Variants in SHISA9 observed in about 807,000 individuals in gnomAD.
The protein encoded by SHISA9 is protein shisa-9.
Under a neutral mutation model 38.0 loss-of-function variants are expected in SHISA9, and 13 were observed. The observed-to-expected ratio is 0.34, with a 90% confidence interval of 0.22 to 0.54. The LOEUF (loss-of-function observed/expected upper bound fraction) is 0.54. SHISA9 is among the 20% of genes least tolerant of loss of function. SHISA9 has a pLI of 0.91. For synonymous variants in SHISA9, 275 were observed against 242.0 expected, an observed-to-expected ratio of 1.14 and a Z score of -1.27; for missense variants, 538 against 575.8, an observed-to-expected ratio of 0.93 and a Z score of 0.67.
At chr16:13,014,136 C>A (rs545728809) in intron 2 of SHISA9, among the ~76,000 whole-genome samples, 1 of 152,096 alleles carries the variant, frequency 6.6e-6, no homozygotes, top group Admixed American at 6.5e-5. Flanking sequence ...GGCTATTATC[C>A]CCATTTTACA....
intron 2 of SHISA9, among the ~76,000 whole-genome samples, chr16:12,981,110 C>A (rs2072234256): frequency 6.6e-6 from 1 of 152,202 alleles, no homozygotes; most frequent in African/African-American, 2.4e-5. Flanking sequence ...TGTGAGCTCA[C>A]TTTACCCTGG....
chr16:12,944,110 C>T (rs757657098), intron 2 of SHISA9, among the ~76,000 whole-genome samples: 1 of 152,044 alleles, frequency 6.6e-6, no homozygotes, highest in Non-Finnish European at 1.5e-5. Flanking sequence ...TGTCTCTAGT[C>T]ATTGTTGAGG....
Position 13,240,168 on chromosome 16 carries a change from C to G in SHISA9, c.*4759C>G, listed in dbSNP as rs570925043. The G allele has an allele frequency of 1.3e-5, 2 of 152,392 alleles. No homozygotes were observed. Among genetic ancestry groups the G allele is most frequent in the East Asian group, 1.9e-4 (1 of 5,186 alleles). The allele number at this position is 152,392 out of a possible 1,614,324, so 9.4% of individuals were successfully genotyped here. On this transcript the variant is annotated 3_prime_UTR_variant, in exon 5 of 5. Coordinates refer to ENST00000558583, the MANE Select transcript of SHISA9 (RefSeq NM_001145204.3). The stretch of plus-strand genomic sequence containing the variant: ...CTTGGGCTCCGCCTGGCCTCCCCAT[C>G]TAACTCTTCCCAGTTTTTTGTGTAA...
At chr16:13,243,240 CAAAA>C (rs112827362), downstream of SHISA9, among the ~76,000 whole-genome samples, 4 of 126,472 alleles carry the variant, frequency 3.2e-5, no homozygotes, top group African/African-American at 1.2e-4. Flanking sequence ...GACTCTGTCT[CAAAA>C]AAAAAAAAAG....
chr16:13,161,562 AT>A, intron 2 of SHISA9, among the ~76,000 whole-genome samples: 1 of 152,214 alleles, frequency 6.6e-6, no homozygotes, highest in South Asian at 2.1e-4. Context: ...ACTCAAAGGC[AT>A]TTTTCTGTCC....
At chr16:13,474,500 T>G in the SHISA9 span, among the ~76,000 whole-genome samples, 1 of 152,206 alleles carries the variant, frequency 6.6e-6, no homozygotes, top group African/African-American at 2.4e-5. Flanking sequence ...GATATATTTA[T>G]CCAACCAATA....
intron 2 of SHISA9, among the ~76,000 whole-genome samples, chr16:13,157,883 CA>C (rs1420719226): frequency 6.6e-6 from 1 of 152,204 alleles, no homozygotes; most frequent in Admixed American, 6.5e-5. Flanking sequence ...AAAGGCTGCT[CA>C]AGGCTCAGGA....
intron 2 of SHISA9, among the ~76,000 whole-genome samples, chr16:13,157,632 C>G (rs1412196593): frequency 6.6e-6 from 1 of 152,190 alleles, no homozygotes; most frequent in Non-Finnish European, 1.5e-5. Context: ...TTTTCTCAGG[C>G]AGACCTGGGC....
intron 2 of SHISA9, among the ~76,000 whole-genome samples, chr16:13,103,913 T>C (rs1221085539): frequency 1.3e-5 from 2 of 152,106 alleles, no homozygotes. Flanking sequence ...AAGTCATCTC[T>C]CCCCCATTCT....
the SHISA9 span, among the ~76,000 whole-genome samples, chr16:13,561,473 T>C: frequency 6.6e-6 from 1 of 152,176 alleles, no homozygotes; most frequent in South Asian, 2.1e-4. Flanking sequence ...AAACAAGCCG[T>C]GGGCAGGAAC....
chr16:13,368,960 T>C, the SHISA9 span, among the ~76,000 whole-genome samples: 1 of 152,308 alleles, frequency 6.6e-6, no homozygotes, highest in Non-Finnish European at 1.5e-5. Context: ...ATTATTTATA[T>C]GTGAATCTGT....
intron 2 of SHISA9, among the ~76,000 whole-genome samples, chr16:13,160,339 C>G (rs992370536): frequency 3.3e-5 from 5 of 152,160 alleles, no homozygotes; most frequent in African/African-American, 1.2e-4. Flanking sequence ...TCCTATAAGT[C>G]AGACCTGTGC....
the SHISA9 span, among the ~76,000 whole-genome samples, chr16:13,434,419 G>GTTTTTTGTTTTTTTTTTT: frequency 1.5e-5 from 1 of 64,554 alleles, no homozygotes; most frequent in East Asian, 4.9e-4. Context: ...GACAAGCTAT[G>GTTTTTTGTTTTTTTTTTT]TTTTTTTTTT....
intron 1 of SHISA9, among the ~76,000 whole-genome samples, chr16:12,907,765 C>T (rs2071122024): frequency 6.6e-6 from 1 of 152,104 alleles, no homozygotes; most frequent in African/African-American, 2.4e-5. Context: ...CGCAGGAATC[C>T]AGATTCCTGA....
intron 2 of SHISA9, among the ~76,000 whole-genome samples, chr16:13,055,936 G>T (rs1567197051): frequency 6.6e-6 from 1 of 152,214 alleles, no homozygotes; most frequent in South Asian, 2.1e-4. Context: ...CAGGGAAGTT[G>T]CCAGCTAGAT....
Position 13,102,047 on chromosome 16 carries a change from C to G in SHISA9, c.692-101347C>G, listed in dbSNP as rs542135397. On this transcript the variant is annotated intron_variant, in intron 2 of 4. Coordinates refer to ENST00000558583, the MANE Select transcript of SHISA9 (RefSeq NM_001145204.3). ...TGCAGGTGTGTGCTCCCTACTCACC[C>G]AGCAGTTTACTTTACTTATTTACAT... Among the ~76,000 whole-genome samples the G allele has an allele frequency of 2.0e-5, 3 of 152,276 alleles. No individual in the cohort carries two copies. In the East Asian group the frequency reaches 5.8e-4, roughly 29 times the overall value.
chr16:13,289,369 G>T, the SHISA9 span, among the ~76,000 whole-genome samples: 1 of 151,126 alleles, frequency 6.6e-6, no homozygotes, highest in Non-Finnish European at 1.5e-5. Context: ...TTGGTGGGGG[G>T]GCGGGAGGGT....
chr16:13,162,679 A>G (rs916107402), intron 2 of SHISA9, among the ~76,000 whole-genome samples: 3 of 152,198 alleles, frequency 2.0e-5, no homozygotes, highest in African/African-American at 7.2e-5. Context: ...GCCATTTTAC[A>G]TAGTAGGTGC....
Position 12,902,867 on chromosome 16 carries a change from T to TGTGA in SHISA9, c.563+241_563+242insTGAG, listed in dbSNP as rs1177790785. The TGTGA allele has an allele frequency of 1.4e-5, 7 of 503,292 alleles. No homozygotes were observed. In the East Asian group the frequency reaches 2.4e-4, roughly 17 times the overall value. The allele number at this position is 503,292 out of a possible 1,614,324, so 31.2% of individuals were successfully genotyped here. A position where few individuals can be genotyped will look rare whatever the true frequency, so the allele number is the denominator to read the frequency against. Reference sequence around the variant, plus strand: ...GTGTGAGCGTGTGTGTGTGTGTGTGTGACTCTGCTCCCTCACCCTCTGGCC... The same window carrying TGTGA: ...GTGTGAGCGTGTGTGTGTGTGTGTGTGTGAGACTCTGCTCCCTCACCCTCTGGCC... On this transcript the variant is annotated intron_variant, in intron 1 of 4. Coordinates refer to ENST00000558583, the MANE Select transcript of SHISA9 (RefSeq NM_001145204.3).
Sources: allele counts gnomAD v4.1 joint callset (sites outside exome capture counted in the v4.1 genomes callset), GRCh38; gene constraint gnomAD v4.1.1; transcripts MANE v1.5; gene names NCBI Gene and HGNC (gene_info 2026-07-23, HGNC 2026-07-21).